The following EHBP1 variants were observed in gnomAD, a reference collection of about 807,000 sequenced individuals.
EHBP1 encodes the protein EH domain binding protein 1.
In EHBP1, 55 loss-of-function variants were observed where a neutral mutation model predicts 144.0. The observed-to-expected ratio is 0.38, with a 90% CI of 0.31 to 0.48. The LOEUF (loss-of-function observed/expected upper bound fraction) is 0.48, where lower values mean the gene tolerates loss of function less well. EHBP1 is among the 20% of genes least tolerant of loss of function. The pLI is 0.98. For synonymous variants in EHBP1, 469 were observed against 472.7 expected, an observed-to-expected ratio of 0.99 and a Z score of 0.10; for missense variants, 1,200 against 1,364.2, an observed-to-expected ratio of 0.88 and a Z score of 1.90.
intron 5 of EHBP1, among the ~76,000 whole-genome samples, chr2:62,808,065 A>AG (rs971807787): frequency 1.3e-5 from 2 of 151,708 alleles, no homozygotes; most frequent in African/African-American, 4.8e-5. Context: ...AAAAAAAAAA[A>AG]AAGAAAGAAA....
At chr2:62,894,232 A>G (rs765136153) in intron 10 of EHBP1, among the ~76,000 whole-genome samples, 3 of 152,178 alleles carry the variant, frequency 2.0e-5, no homozygotes, top group Non-Finnish European at 2.9e-5. Context: ...ACTACCCAAT[A>G]TGGTAGGCAC....
chr2:62,857,989 T>C (rs946064456), intron 7 of EHBP1, among the ~76,000 whole-genome samples: 1 of 152,216 alleles, frequency 6.6e-6, no homozygotes, highest in Non-Finnish European at 1.5e-5. Flanking sequence ...CTTAAAACTT[T>C]TTGTTTAAAT....
rs185257002 is a variant in EHBP1 at position 63,003,203 on chromosome 2, A to G, written c.3103+6437A>G. Among the ~76,000 whole-genome samples, 10 of 152,188 alleles carry G rather than the reference A, an allele frequency of 6.6e-5. No individual in the cohort carries two copies. The East Asian group carries it at 1.7e-3, about 26-fold the overall frequency. On this transcript the variant is annotated intron_variant, in intron 19 of 22. Coordinates refer to ENST00000431489, the MANE Select transcript of EHBP1 (RefSeq NM_001142616.3). The stretch of plus-strand genomic sequence containing the variant: ...ATGGTGCTATATAAGTATTAATTAA[A>G]TAACAAAAACTCTATTGACCACCAA...
intron 5 of EHBP1, among the ~76,000 whole-genome samples, chr2:62,778,527 G>C (rs1029775349): frequency 4.1e-5 from 6 of 144,902 alleles, no homozygotes; most frequent in African/African-American, 7.8e-5. Context: ...CTGGGCGACA[G>C]AGTGAGACCC....
At chr2:62,770,055 C>G (rs931993075) in intron 4 of EHBP1, among the ~76,000 whole-genome samples, 9 of 152,084 alleles carry the variant, frequency 5.9e-5, no homozygotes, top group Non-Finnish European at 1.2e-4. Flanking sequence ...AAACTCAAAA[C>G]TATAGAAACC....
intron 10 of EHBP1, among the ~76,000 whole-genome samples, chr2:62,935,412 GT>G (rs1392628871): frequency 1.3e-5 from 2 of 149,048 alleles, no homozygotes; most frequent in Non-Finnish European, 3.0e-5. Context: ...AAGCTTGATA[GT>G]TTTTTATAGC....
chr2:62,679,447 T>C (rs2151725485), intron 1 of EHBP1, among the ~76,000 whole-genome samples: 1 of 152,322 alleles, frequency 6.6e-6, no homozygotes, highest in Admixed American at 6.5e-5. Context: ...TTTTTGTTCC[T>C]GTAATAGTCA....
intron 3 of EHBP1, among the ~76,000 whole-genome samples, chr2:62,760,491 G>A (rs974717562): frequency 3.9e-5 from 6 of 152,154 alleles, no homozygotes; most frequent in African/African-American, 1.4e-4. Flanking sequence ...TTGTTAAGCA[G>A]ATTGTATTTT....
chr2:62,757,904 C>T (rs1166333696), intron 3 of EHBP1, among the ~76,000 whole-genome samples: 5 of 151,594 alleles, frequency 3.3e-5, no homozygotes, highest in Non-Finnish European at 5.9e-5. Flanking sequence ...CCCTGCTACT[C>T]GGGAGGTTGA....
Position 62,857,541 on chromosome 2 carries a change from C to T in EHBP1, c.635-1628C>T, listed in dbSNP as rs1181281698. The stretch of plus-strand genomic sequence containing the variant: ...TCAAATTTACAACTGTGTTCTACTT[C>T]CAATCGTTTTATTTCTTTCCTACTG... On this transcript the variant is annotated intron_variant, in intron 7 of 22. Coordinates refer to ENST00000431489, the MANE Select transcript of EHBP1 (RefSeq NM_001142616.3). Among the ~76,000 whole-genome samples the T allele has an allele frequency of 2.6e-5, 4 of 152,150 alleles. No homozygotes were observed. The South Asian group carries it at 8.3e-4, about 32-fold the overall frequency.
At chr2:62,828,124 T>C (rs1049222140) in intron 6 of EHBP1, among the ~76,000 whole-genome samples, 10 of 152,214 alleles carry the variant, frequency 6.6e-5, no homozygotes, top group African/African-American at 2.4e-4. Flanking sequence ...TTGTTAACTC[T>C]AAGGCTTATA....
intron 10 of EHBP1, among the ~76,000 whole-genome samples, chr2:62,927,521 A>G (rs776985213): frequency 6.6e-5 from 10 of 152,196 alleles, no homozygotes; most frequent in Non-Finnish European, 1.3e-4. Context: ...CAAGAGACAA[A>G]GGACATTATA....
chr2:62,749,198 A>G (rs1011498972), intron 3 of EHBP1, among the ~76,000 whole-genome samples: 5 of 150,090 alleles, frequency 3.3e-5, no homozygotes, highest in Admixed American at 1.3e-4. Context: ...AAGTGTTCTC[A>G]TTGTTCAATT....
intron 10 of EHBP1, among the ~76,000 whole-genome samples, chr2:62,898,152 A>G (rs1196466813): frequency 1.3e-5 from 2 of 152,150 alleles, no homozygotes; most frequent in Non-Finnish European, 2.9e-5. Context: ...ATGGGAAGCC[A>G]TTGGTGGGTT....
intron 14 of EHBP1, 195 bp downstream of exon 14, chr2:62,955,855 T>G (rs995473118): frequency 1.8e-5 from 8 of 453,518 alleles, no homozygotes; most frequent in African/African-American, 1.0e-4. Flanking sequence ...CAGAGCAGTG[T>G]TAGTGATGAG....
chr2:62,993,081 G>C lies in EHBP1; in HGVS notation c.2734-449G>C, dbSNP rs945084387. Among the ~76,000 whole-genome samples, 3 of 152,092 alleles carry C rather than the reference G, an allele frequency of 2.0e-5. No individual in the cohort carries two copies. The South Asian group carries it at 6.2e-4, about 32-fold the overall frequency. On this transcript the variant is annotated intron_variant, in intron 16 of 22. Coordinates refer to ENST00000431489, the MANE Select transcript of EHBP1 (RefSeq NM_001142616.3). ...CTGTAAAGGGCTTACTTACAAATCT[G>C]GCTTTGGAAAGTTATAGCTGATGAA...
At chr2:62,812,674 T>C (rs993108553) in intron 5 of EHBP1, among the ~76,000 whole-genome samples, 4 of 152,162 alleles carry the variant, frequency 2.6e-5, no homozygotes, top group Non-Finnish European at 5.9e-5. Flanking sequence ...ATTATGTCTA[T>C]GTCCAAGGGC....
At chr2:63,000,678 A>C (rs1273233775) in intron 19 of EHBP1, among the ~76,000 whole-genome samples, 2 of 152,126 alleles carry the variant, frequency 1.3e-5, no homozygotes, top group Non-Finnish European at 2.9e-5. Flanking sequence ...TGGCCTGGGC[A>C]ACAAGAGCAA....
intron 1 of EHBP1, among the ~76,000 whole-genome samples, chr2:62,683,701 G>A (rs576490558): frequency 1.4e-5 from 2 of 146,216 alleles, no homozygotes; most frequent in South Asian, 4.5e-4. Context: ...AGTAAGGTCA[G>A]CACCTAAACT....
Sources: gnomAD v4.1 joint callset for allele counts (sites outside exome capture counted in the v4.1 genomes callset) on GRCh38, gnomAD v4.1.1 for gene constraint, MANE v1.5 for transcripts, NCBI Gene and HGNC (gene_info 2026-07-23, HGNC 2026-07-21) for gene names.